The following SYCE1L variants were observed in gnomAD, a reference collection of about 807,000 sequenced individuals.
SYCE1L encodes the protein synaptonemal complex central element protein 1 like.
In SYCE1L, 51 loss-of-function variants were observed where a neutral mutation model predicts 39.6. The observed-to-expected ratio is 1.29, with a 90% CI of 1.03 to 1.63. The LOEUF (loss-of-function observed/expected upper bound fraction) is 1.63. Ranked by LOEUF, SYCE1L falls within the 40% of genes most tolerant of loss-of-function variation. SYCE1L has a pLI of 0.00. For missense variants in SYCE1L, 426 were observed against 304.9 expected (o/e 1.40, Z -2.96); for synonymous variants, 147 against 122.4 (o/e 1.20, Z -1.33).
chr16:77,209,487 T>G lies in SYCE1L; in HGVS notation c.359+16T>G. ...AGGCTCAGAGGTAAGAGGCCCTGCC[T>G]CAGCTCTTCCCTACCTCATTCCCCA... On this transcript the variant is annotated intron_variant, in intron 6 of 10. Coordinates refer to ENST00000378644, the MANE Select transcript of SYCE1L (RefSeq NM_001129979.3). The G allele has an allele frequency of 6.4e-7, 1 of 1,551,626 alleles. No homozygotes were observed. The highest frequency in any genetic ancestry group is 8.7e-7 in the Non-Finnish European group (1 of 1,146,958).
rs115044400 is a variant in SYCE1L, at chr16:77,205,128, T to C, written c.62-1313T>C. Among the ~76,000 whole-genome samples, 446 of 151,584 alleles carry C rather than the reference T, an allele frequency of 2.9e-3. 1 individual carries two copies. Among genetic ancestry groups the C allele is most frequent in the African/African-American group, 0.01 (429 of 41,438 alleles). ...TGAATTATCTCCAGGTACCTACACA[T>C]AGCTTGTAATGCTAGTGGCCTCTGA... On this transcript the variant is annotated intron_variant, in intron 1 of 10. Transcript: ENST00000378644.
intron 1 of SYCE1L, among the ~76,000 whole-genome samples, chr16:77,203,288 G>A (rs1238636379): frequency 1.3e-5 from 2 of 152,154 alleles, no homozygotes; most frequent in African/African-American, 4.8e-5. Context: ...CTGGTGAGGG[G>A]AGACTTTTCC....
chr16:77,208,392 A>G, intron 3 of SYCE1L, 73 bp from the exon 4 acceptor site: 6 of 1,540,530 alleles, frequency 3.9e-6, no homozygotes, highest in Non-Finnish European at 5.3e-6. Flanking sequence ...TGACTGTGCA[A>G]TGTCATATTT....
intron 1 of SYCE1L, among the ~76,000 whole-genome samples, chr16:77,205,965 G>C (rs900778911): frequency 1.3e-5 from 2 of 152,056 alleles, no homozygotes; most frequent in Non-Finnish European, 2.9e-5. Flanking sequence ...AAAAGAGAGA[G>C]GCTCATAATA....
intron 1 of SYCE1L, among the ~76,000 whole-genome samples, chr16:77,204,516 T>G (rs2054771689): frequency 6.6e-6 from 1 of 152,214 alleles, no homozygotes; most frequent in Non-Finnish European, 1.5e-5. Context: ...GGTACTTTGT[T>G]ATGGCAGCCT....
intron 1 of SYCE1L, among the ~76,000 whole-genome samples, chr16:77,204,179 C>T (rs2054768435): frequency 6.6e-6 from 1 of 152,162 alleles, no homozygotes; most frequent in African/African-American, 2.4e-5. Flanking sequence ...CCATAATATA[C>T]ATTCCCTTTG....
At chr16:77,201,624 G>A (rs960586415) in intron 1 of SYCE1L, 1 of 152,162 alleles carries the variant, frequency 6.6e-6, no homozygotes, top group African/African-American at 2.4e-5. Flanking sequence ...AGGAGAATAC[G>A]TAAGTGTATG....
rs1307095473 is a variant in SYCE1L, at chr16:77,209,077, A to G, written c.257-20A>G. ...GGCAATGGGGTGCCTGGAGGCAGAAAGTGTCATTGTGTTTTCCAGTGAATG... is the reference window on the plus strand; with the variant it reads ...GGCAATGGGGTGCCTGGAGGCAGAAGGTGTCATTGTGTTTTCCAGTGAATG... On this transcript the variant is annotated intron_variant, in intron 4 of 10. Coordinates refer to ENST00000378644, the MANE Select transcript of SYCE1L (RefSeq NM_001129979.3). 1 of 1,551,702 alleles carries G rather than the reference A, an allele frequency of 6.4e-7. No homozygotes were observed. The highest frequency in any genetic ancestry group is 2.4e-5 in the East Asian group (1 of 40,900).
rs77292914 is a variant in SYCE1L, at chr16:77,213,108, C to T, written c.*177C>T. 0.027 allele frequency: 15,555 copies of T among 574,410 alleles called. 277 individuals are homozygous for T. Among genetic ancestry groups the T allele is most frequent in the African/African-American group, 0.046 (2,410 of 52,004 alleles). The allele number at this position is 574,410 out of a possible 1,614,324, so 35.6% of individuals were successfully genotyped here. On this transcript the variant is annotated 3_prime_UTR_variant, in exon 11 of 11. Transcript: ENST00000378644. ...CGGACCCCTCCCACCAGTCGAGCCC[C>T]GGGCGCCGTACAGAGGCTGGGTAAA...
At chr16:77,201,045 T>C (rs1352413102) in intron 1 of SYCE1L, 1 of 152,208 alleles carries the variant, frequency 6.6e-6, no homozygotes, top group East Asian at 1.9e-4. Context: ...AAGTAATGAT[T>C]ATTGCTTATT....
intron 1 of SYCE1L, among the ~76,000 whole-genome samples, chr16:77,203,797 G>T (rs144150915): frequency 1.3e-5 from 2 of 151,920 alleles, no homozygotes; most frequent in Non-Finnish European, 1.5e-5. Context: ...GTTTTGCCAC[G>T]TTGGCCAAGC....
rs182428722 is a variant in SYCE1L at position 77,208,539 on chromosome 16, T to C, written c.256T>C (p.Leu86=). The part of the protein sequence containing the change: ...WEALHRELDS[L]NGEKVHLEEV... ...GGCCCTGCATAGGGAATTAGACTCC[T>C]GTAAGTGGGGCCAAAAGAGGGACCC... Residue 86 remains leucine (L), a splice_region_variant and synonymous_variant, in exon 4 of 11, where the codon TTG becomes CTG. Coordinates refer to ENST00000378644, the MANE Select transcript of SYCE1L (RefSeq NM_001129979.3). 131 of 1,551,688 alleles carry C rather than the reference T, an allele frequency of 8.4e-5. No homozygotes were observed. The African/African-American group carries it at 1.4e-3, about 17-fold the overall frequency.
intron 6 of SYCE1L, among the ~76,000 whole-genome samples, 184 bp downstream of exon 6, chr16:77,209,655 C>T (rs2054809502): frequency 6.6e-6 from 1 of 152,242 alleles, no homozygotes; most frequent in South Asian, 2.1e-4. Context: ...GATTAATTTA[C>T]TCATTTAATT....
At chr16:77,207,936 C>A (rs2054796764) in intron 2 of SYCE1L, among the ~76,000 whole-genome samples, 1 of 152,138 alleles carries the variant, frequency 6.6e-6, no homozygotes, top group Non-Finnish European at 1.5e-5. Context: ...CCCAGACATG[C>A]CTTTTACCCT....
At chr16:77,199,668 T>A (rs1212261456) in intron 1 of SYCE1L, 156 bp downstream of exon 1, 3 of 637,678 alleles carry the variant, frequency 4.7e-6, no homozygotes, top group Non-Finnish European at 8.1e-6. Flanking sequence ...TTTTAACCGT[T>A]CAGCACAGTG....
rs569118734 is a variant in SYCE1L at position 77,212,160 on chromosome 16, C to T, written c.454C>T (p.Arg152Cys). 252 of 1,549,224 alleles carry T rather than the reference C, an allele frequency of 1.6e-4. 4 individuals are homozygous for T. The South Asian group carries it at 2.8e-3, about 17-fold the overall frequency. ...GGAGCAGCGACTGGCCCGGGAGATC[C>T]GTGCCCTGGAGAGAAGCAAGGAGCA... ...MLEQRLAREIRALERSKEQLL... is the reference protein window; with the variant it reads ...MLEQRLAREICALERSKEQLL... The change falls in exon 8 of 11, where the codon CGT becomes TGT. Residue 152 changes from arginine to cysteine, a missense_variant. Coordinates refer to ENST00000378644, the MANE Select transcript of SYCE1L (RefSeq NM_001129979.3).
intron 1 of SYCE1L, chr16:77,201,436 G>T: frequency 6.6e-6 from 1 of 152,074 alleles, no homozygotes; most frequent in Non-Finnish European, 1.5e-5. Context: ...CCATCAAATC[G>T]GCTTTATAAA....
rs1462892430 is a variant in SYCE1L at position 77,199,471 on chromosome 16, C to T, written c.20C>T (p.Pro7Leu). Residue 7 changes from proline (P) to leucine (L), a missense_variant, in exon 1 of 11, where the codon CCT (proline) becomes CTT (leucine). Transcript: ENST00000378644. The stretch of plus-strand genomic sequence containing the variant: ...TGGAAAATGGCGGGGAAGCTGAAAC[C>T]TCTGAATGTGGAGGCGCCAGAAGCT... MAGKLKPLNVEAPEATE... is the reference protein window; with the variant it reads MAGKLKLLNVEAPEATE... 3.2e-6 allele frequency: 5 copies of T among 1,551,008 alleles called. No individual in the cohort carries two copies. The highest frequency in any genetic ancestry group is 1.4e-5 in the African/African-American group (1 of 73,146).
intron 6 of SYCE1L, among the ~76,000 whole-genome samples, chr16:77,209,911 C>T (rs779109419): frequency 1.5e-4 from 23 of 152,182 alleles, no homozygotes; most frequent in African/African-American, 5.5e-4. Context: ...GTTTTATCTC[C>T]GGCCTTCCAC....
Sources: allele counts gnomAD v4.1 joint callset (sites outside exome capture counted in the v4.1 genomes callset), GRCh38; gene constraint gnomAD v4.1.1; transcripts MANE v1.5; gene names NCBI Gene and HGNC (gene_info 2026-07-23, HGNC 2026-07-21).